Variants in BTG4 observed in about 807,000 individuals in gnomAD.
The protein encoded by BTG4 is BTG anti-proliferation factor 4, also known as protein BTG4.
In BTG4, 10 loss-of-function variants were observed where a neutral mutation model predicts 19.3. The ratio of observed to expected loss-of-function variants is 0.52; its 90% confidence interval spans 0.32 to 0.88. BTG4 has a LOEUF of 0.88. Ranked by LOEUF, BTG4 falls within the 40% of genes least tolerant of loss-of-function variation. The pLI is 0.04. For synonymous variants in BTG4, 91 were observed against 95.7 expected (o/e 0.95, Z 0.29); for missense variants, 238 against 281.9 (o/e 0.84, Z 1.11).
the BTG4 span, among the ~76,000 whole-genome samples, chr11:111,426,336 C>T: frequency 6.6e-6 from 1 of 152,078 alleles, no homozygotes; most frequent in South Asian, 2.1e-4. Context: ...TGTATAGATC[C>T]TCCTGGCAGA....
At chr11:111,479,468 T>C (rs1864603317) in intron 5 of BTG4, among the ~76,000 whole-genome samples, 1 of 151,944 alleles carries the variant, frequency 6.6e-6, no homozygotes, top group African/African-American at 2.4e-5. Context: ...GAGCTAAGAA[T>C]ATATCAAGCA....
At chr11:111,430,358 G>C in the BTG4 span, among the ~76,000 whole-genome samples, 1 of 152,206 alleles carries the variant, frequency 6.6e-6, no homozygotes. Flanking sequence ...TTGAATCCTT[G>C]ACTAGCCTTC....
chr11:111,474,651 T>C (rs762742717), intron 5 of BTG4, among the ~76,000 whole-genome samples: 3 of 152,154 alleles, frequency 2.0e-5, no homozygotes, highest in Non-Finnish European at 4.4e-5. Flanking sequence ...TGATGATACA[T>C]AACTATATTT....
At chr11:111,462,382 G>A in the BTG4 span, 1 of 152,478 alleles carries the variant, frequency 6.6e-6, no homozygotes, top group Admixed American at 6.5e-5. Context: ...GGAGAGAAGA[G>A]CCAGGGCTCT....
Position 111,482,515 on chromosome 11 carries a change from A to G in BTG4, c.662+12648T>C, listed in dbSNP as rs1010641067. 1.6e-4 allele frequency among the ~76,000 whole-genome samples: 25 copies of G among 152,170 alleles called. 1 individual carries two copies. Among genetic ancestry groups the G allele is most frequent in the Non-Finnish European group, 5.9e-5 (4 of 68,010 alleles). On this transcript the variant is annotated intron_variant, in intron 5 of 5. Coordinates refer to the BTG4 transcript ENST00000356018. ...AATAGCTAAAGTAATTTTTAGAAAG[A>G]ATAAAGTGGGAAGAATCTATCCAGT... is the stretch of plus-strand genomic sequence containing the variant.
At chr11:111,510,237 C>T (rs188712109) in intron 1 of BTG4, among the ~76,000 whole-genome samples, 172 of 152,196 alleles carry the variant, frequency 1.1e-3, no homozygotes, top group African/African-American at 4.0e-3. Flanking sequence ...ATTCCCAATT[C>T]CCATCAATCT....
chr11:111,385,660 A>C, the BTG4 span: 2 of 152,134 alleles, frequency 1.3e-5, no homozygotes, highest in Non-Finnish European at 2.9e-5. Context: ...AATTCACCAC[A>C]TTGATAAACT....
chr11:111,497,597 T>C (rs917962785), intron 3 of BTG4, among the ~76,000 whole-genome samples, 188 bp from the exon 4 acceptor site: 5 of 152,222 alleles, frequency 3.3e-5, no homozygotes, highest in African/African-American at 1.2e-4. Context: ...TTTGGTTAAT[T>C]GTTCAGAAAA....
At chr11:111,485,065 C>G (rs1219043836) in intron 5 of BTG4, among the ~76,000 whole-genome samples, 2 of 152,020 alleles carry the variant, frequency 1.3e-5, no homozygotes, top group Admixed American at 1.3e-4. Context: ...AAGCATATAA[C>G]AATTATAAAT....
At chr11:111,500,031 A>C (rs1348823156) in intron 1 of BTG4, among the ~76,000 whole-genome samples, 3 of 152,038 alleles carry the variant, frequency 2.0e-5, no homozygotes, top group African/African-American at 7.2e-5. Context: ...AGTCCCAGCT[A>C]CTCAGGAGGC....
intron 5 of BTG4, among the ~76,000 whole-genome samples, chr11:111,485,791 A>G (rs994666699): frequency 6.6e-6 from 1 of 152,166 alleles, no homozygotes. Context: ...ACAAAAGAAC[A>G]AAATGAAAAG....
the BTG4 span, among the ~76,000 whole-genome samples, chr11:111,438,006 A>G: frequency 1.3e-5 from 2 of 152,288 alleles, no homozygotes; most frequent in East Asian, 3.9e-4. Flanking sequence ...CTCTGACTAT[A>G]CTAGACAACA....
At chr11:111,412,183 C>A in the BTG4 span, among the ~76,000 whole-genome samples, 1 of 152,290 alleles carries the variant, frequency 6.6e-6, no homozygotes, top group Non-Finnish European at 1.5e-5. Flanking sequence ...AGAATTGTTT[C>A]AATCAAGACT....
rs761118451 is a variant in BTG4, at chr11:111,495,197, T to G, written c.628A>C (p.Lys210Gln). The change falls in exon 5 of 5, where the codon AAG (lysine) becomes CAG (glutamine). Residue 210 changes from lysine (K) to glutamine (Q), a missense_variant. Physicochemically the swap from Lys to Gln is moderately conservative, Grantham distance 53. Transcript: ENST00000692032. ...CGGTGCATAGCAGGCCTGTAACACT[T>G]AGGATGCTTCTGCGAGCCATGGTAA... is the stretch of plus-strand genomic sequence containing the variant. The part of the protein sequence containing the change: ...NTYHGSQKHP[K>Q]CYRPAMHRLD... 1 of 1,611,238 alleles carries G rather than the reference T, an allele frequency of 6.2e-7. No homozygotes were observed. Among genetic ancestry groups the G allele is most frequent in the African/African-American group, 1.3e-5 (1 of 74,760 alleles).
intron 5 of BTG4, among the ~76,000 whole-genome samples, chr11:111,476,449 G>T (rs1290705189): frequency 6.6e-6 from 1 of 152,064 alleles, no homozygotes; most frequent in Non-Finnish European, 1.5e-5. Context: ...GAAATAACAT[G>T]AAAAGAAGAT....
At chr11:111,417,581 AT>A in the BTG4 span, 3 of 152,290 alleles carry the variant, frequency 2.0e-5, no homozygotes, top group Non-Finnish European at 2.9e-5. Flanking sequence ...ACTGCCCCTA[AT>A]TCCTTGGGTG....
At position 111,497,197 on chromosome 11, in the gene BTG4, G is replaced by GACCT. The variant is rs1212699343; in HGVS notation, c.510+13_510+14insAGGT. 2 of 1,602,304 alleles carry GACCT rather than the reference G, an allele frequency of 1.2e-6. No individual in the cohort carries two copies. The highest frequency in any genetic ancestry group is 1.7e-6 in the Non-Finnish European group (2 of 1,172,812). On this transcript the variant is annotated intron_variant, in intron 4 of 4. Transcript: ENST00000692032. Reference sequence around the variant, plus strand: ...TAGAAAAAAAGTATAGAAAAGAACTGGAACACTCTTGACCTGATAAATACT... The same window carrying GACCT: ...TAGAAAAAAAGTATAGAAAAGAACTGACCTGAACACTCTTGACCTGATAAATACT...
the BTG4 span, among the ~76,000 whole-genome samples, chr11:111,428,454 G>T: frequency 6.6e-6 from 1 of 152,148 alleles, no homozygotes; most frequent in Non-Finnish European, 1.5e-5. Context: ...GTTGTGCAGA[G>T]CCTCCAGTCA....
chr11:111,434,610 G>A, the BTG4 span, among the ~76,000 whole-genome samples: 1 of 150,232 alleles, frequency 6.7e-6, no homozygotes, highest in Admixed American at 6.6e-5. Context: ...TAAAAAAAAA[G>A]AGTTGGTGTG....
Sources: allele counts gnomAD v4.1 joint callset (sites outside exome capture counted in the v4.1 genomes callset), GRCh38; gene constraint gnomAD v4.1.1; transcripts MANE v1.5; gene names NCBI Gene and HGNC (gene_info 2026-07-23, HGNC 2026-07-21).